KCNK10: variants seen among roughly 807,000 people sequenced by gnomAD.
KCNK10 encodes potassium two pore domain channel subfamily K member 10, also known as potassium channel subfamily K member 10.
Under a neutral mutation model 47.7 loss-of-function variants are expected in KCNK10, and 25 were observed. The observed-to-expected ratio is 0.52, with a 90% CI of 0.38 to 0.73. KCNK10 has a LOEUF of 0.73. KCNK10 is among the 30% of genes least tolerant of loss of function. The pLI, the probability that KCNK10 is intolerant of heterozygous loss-of-function variation, is 0.00. For synonymous variants in KCNK10, 303 were observed against 285.6 expected (o/e 1.06, Z -0.61); for missense variants, 563 against 714.5 (o/e 0.79, Z 2.42).
chr14:88,307,327 T>TCACA (rs112756986), intron 1 of KCNK10, among the ~76,000 whole-genome samples: 15,842 of 148,456 alleles, frequency 0.11, 998 homozygotes, highest in African/African-American at 0.18. Flanking sequence ...AAGAAGCTGA[T>TCACA]CACACACACA....
chr14:88,306,758 A>G (rs1052704646), intron 1 of KCNK10, among the ~76,000 whole-genome samples: 5 of 152,190 alleles, frequency 3.3e-5, no homozygotes, highest in Admixed American at 1.3e-4. Flanking sequence ...ATTGAAGACA[A>G]CACAAGAAGG....
intron 4 of KCNK10, among the ~76,000 whole-genome samples, chr14:88,193,973 G>C (rs1275854525): frequency 6.6e-6 from 1 of 152,154 alleles, no homozygotes; most frequent in East Asian, 1.9e-4. Flanking sequence ...CGGGTGATCT[G>C]TCCAGGAAAA....
intron 4 of KCNK10, among the ~76,000 whole-genome samples, chr14:88,220,692 C>T (rs1342475320): frequency 6.6e-6 from 1 of 150,880 alleles, no homozygotes; most frequent in Non-Finnish European, 1.5e-5. Context: ...AAAGCTCACA[C>T]CCTTCACAAA....
intron 4 of KCNK10, among the ~76,000 whole-genome samples, chr14:88,193,035 CTT>C (rs1195419979): frequency 1.3e-5 from 2 of 152,208 alleles, no homozygotes; most frequent in African/African-American, 2.4e-5. Flanking sequence ...TTATAACACA[CTT>C]TTGTTTTAAA....
chr14:88,255,540 A>ATT (rs1385349285), intron 2 of KCNK10, among the ~76,000 whole-genome samples: 4 of 151,344 alleles, frequency 2.6e-5, no homozygotes, highest in African/African-American at 9.7e-5. Context: ...CCAAAAAAAA[A>ATT]AAAAAATTAA....
intron 2 of KCNK10, among the ~76,000 whole-genome samples, chr14:88,244,013 A>G (rs915296758): frequency 2.6e-5 from 4 of 152,076 alleles, no homozygotes; most frequent in Admixed American, 6.6e-5. Flanking sequence ...AGGGCCACTG[A>G]TGATCTGAAC....
chr14:88,180,943 C>T lies in KCNK10; in HGVS notation c.*4592G>A. 2 of 397,976 alleles carry T rather than the reference C, an allele frequency of 5.0e-6. No homozygotes were observed. Among genetic ancestry groups the T allele is most frequent in the Non-Finnish European group, 8.9e-6 (2 of 225,724 alleles). The allele number at this position is 397,976 out of a possible 1,614,324, so 24.7% of individuals were successfully genotyped here. A position where few individuals can be genotyped will look rare whatever the true frequency, so the allele number is the denominator to read the frequency against. On this transcript the variant is annotated 3_prime_UTR_variant, in exon 7 of 7. Transcript: ENST00000319231. ...AGAGTTACCCTTTTTCTTTTTAAGG[C>T]CATTACTAGCCAGCTCTTACTGTTC...
At chr14:88,298,743 C>T (rs1888036870) in intron 1 of KCNK10, among the ~76,000 whole-genome samples, 1 of 152,162 alleles carries the variant, frequency 6.6e-6, no homozygotes, top group African/African-American at 2.4e-5. Context: ...TTATGTACGC[C>T]CAGCTAGTGT....
chr14:88,214,999 T>C (rs1408049983), intron 4 of KCNK10, among the ~76,000 whole-genome samples: 1 of 152,168 alleles, frequency 6.6e-6, no homozygotes, highest in Non-Finnish European at 1.5e-5. Flanking sequence ...AGTTTGGAAG[T>C]CTAGTTCTGT....
At chr14:88,198,667 G>T (rs1448365578) in intron 4 of KCNK10, among the ~76,000 whole-genome samples, 1 of 152,018 alleles carries the variant, frequency 6.6e-6, no homozygotes, top group African/African-American at 2.4e-5. Flanking sequence ...CTTGTATAGG[G>T]AGCTCCACCT....
At chr14:88,298,522 G>A (rs17770810) in intron 1 of KCNK10, among the ~76,000 whole-genome samples, 24,054 of 151,928 alleles carry the variant, frequency 0.16, 2,019 homozygotes, top group Non-Finnish European at 0.18. Context: ...TCGTAATTTC[G>A]GAGAAATGAT....
chr14:88,265,836 G>GCACATGCTCTCTTT (rs1392409668), intron 1 of KCNK10, among the ~76,000 whole-genome samples: 12 of 151,984 alleles, frequency 7.9e-5, no homozygotes, highest in Admixed American at 7.9e-4. Context: ...ATGCTCTCTT[G>GCACATGCTCTCTTT]CCTGCTGCCA....
At chr14:88,248,300 A>G (rs138537295) in intron 2 of KCNK10, among the ~76,000 whole-genome samples, 2 of 152,380 alleles carry the variant, frequency 1.3e-5, no homozygotes, top group African/African-American at 4.8e-5. Context: ...TGCATTGAAC[A>G]GAGCCTGAAA....
At chr14:88,194,666 A>G (rs1167691404) in intron 4 of KCNK10, among the ~76,000 whole-genome samples, 1 of 152,100 alleles carries the variant, frequency 6.6e-6, no homozygotes, top group Non-Finnish European at 1.5e-5. Flanking sequence ...GATTTGTTTG[A>G]CGGCAGACAA....
At chr14:88,280,369 T>C (rs1475714367) in intron 1 of KCNK10, among the ~76,000 whole-genome samples, 3 of 152,172 alleles carry the variant, frequency 2.0e-5, no homozygotes, top group Non-Finnish European at 4.4e-5. Flanking sequence ...TTCTTCTGCC[T>C]AAACACTGGA....
At chr14:88,200,001 C>T (rs55709532) in intron 4 of KCNK10, among the ~76,000 whole-genome samples, 32,238 of 151,194 alleles carry the variant, frequency 0.21, 4,507 homozygotes, top group Non-Finnish European at 0.31. Context: ...CTTTCTTTCT[C>T]TTCTTTCCTT....
chr14:88,237,328 T>G (rs958002991), intron 3 of KCNK10, among the ~76,000 whole-genome samples: 6 of 152,200 alleles, frequency 3.9e-5, no homozygotes, highest in Non-Finnish European at 8.8e-5. Flanking sequence ...AGTGAAGTCT[T>G]GAAGCTCTCA....
intron 1 of KCNK10, among the ~76,000 whole-genome samples, chr14:88,305,456 T>A (rs1888185448): frequency 6.6e-6 from 1 of 152,138 alleles, no homozygotes; most frequent in Admixed American, 6.5e-5. Context: ...ACCCTCTCTT[T>A]TCATGCTGCA....
At chr14:88,323,603 C>A (rs1260137345), upstream of KCNK10, 1 of 151,266 alleles carries the variant, frequency 6.6e-6, no homozygotes, top group Non-Finnish European at 1.5e-5. Context: ...GGCGGGGAAG[C>A]CGCGGAGGGG....
Sources: gnomAD v4.1 joint callset for allele counts (sites outside exome capture counted in the v4.1 genomes callset) on GRCh38, gnomAD v4.1.1 for gene constraint, MANE v1.5 for transcripts, NCBI Gene and HGNC (gene_info 2026-07-23, HGNC 2026-07-21) for gene names.